SORCS3: variants seen among roughly 807,000 people sequenced by gnomAD.
SORCS3 encodes VPS10 domain-containing receptor SorCS3.
In SORCS3, 57 loss-of-function variants were observed where a neutral mutation model predicts 146.3. That is an observed-to-expected ratio of 0.39 (90% CI 0.31 to 0.49). The LOEUF (loss-of-function observed/expected upper bound fraction) is 0.49, where lower values mean the gene tolerates loss of function less well. Among genes scored for constraint, SORCS3 ranks in the 20% least tolerant of loss-of-function variants. The probability of loss-of-function intolerance (pLI) is 0.92; values close to 1 mark genes in which losing one functional copy is unlikely to be tolerated. For missense variants in SORCS3, 1,341 were observed against 1,575.5 expected (o/e 0.85, Z 2.52); for synonymous variants, 653 against 618.5 (o/e 1.06, Z -0.83).
At chr10:104,915,979 G>A in intron 3 of SORCS3, 47 bp downstream of exon 3, 2 of 1,432,448 alleles carry the variant, frequency 1.4e-6, no homozygotes, top group East Asian at 2.3e-5. Flanking sequence ...CTGGGTAGCT[G>A]TGCTGATTAG....
chr10:105,253,053 G>T lies in SORCS3; in HGVS notation c.3237+147G>T, dbSNP rs2056910617. On this transcript the variant is annotated intron_variant, in intron 23 of 26. Transcript: ENST00000369701. ...TGAAGAGCAATCACCCTTACCCAGA[G>T]TAAATACAGGTGCAAATAGACTGGA... 9.8e-6 allele frequency: 8 copies of T among 817,672 alleles called. No homozygotes were observed. In the South Asian group the frequency reaches 1.6e-4, roughly 17 times the overall value. The allele number at this position is 817,672 out of a possible 1,614,324, so 50.7% of individuals were successfully genotyped here.
intron 7 of SORCS3, among the ~76,000 whole-genome samples, chr10:105,127,971 A>C (rs2055988306): frequency 6.6e-6 from 1 of 152,208 alleles, no homozygotes; most frequent in South Asian, 2.1e-4. Context: ...CTTTAGGCTC[A>C]TTCAGGGCTG....
intron 14 of SORCS3, among the ~76,000 whole-genome samples, chr10:105,199,228 C>CT (rs796118136): frequency 6.0e-4 from 87 of 144,296 alleles, no homozygotes; most frequent in East Asian, 1.2e-3. Context: ...GATGATCAGT[C>CT]TTTTTTTTTT....
chr10:104,647,749 C>T (rs1189539932), intron 1 of SORCS3, among the ~76,000 whole-genome samples: 1 of 152,198 alleles, frequency 6.6e-6, no homozygotes, highest in African/African-American at 2.4e-5. Context: ...CTCTTAATAA[C>T]ACTGAGTTTA....
chr10:105,014,336 A>G (rs2055153174), intron 4 of SORCS3, among the ~76,000 whole-genome samples: 2 of 151,852 alleles, frequency 1.3e-5, no homozygotes, highest in Non-Finnish European at 2.9e-5. Context: ...AAAATTTTGG[A>G]AACTATCTTT....
intron 1 of SORCS3, among the ~76,000 whole-genome samples, chr10:104,815,465 A>AG (rs2017786545): frequency 6.6e-6 from 1 of 151,468 alleles, no homozygotes; most frequent in Non-Finnish European, 1.5e-5. Context: ...AAAAAAAAAA[A>AG]AAAAAAGTCA....
intron 3 of SORCS3, among the ~76,000 whole-genome samples, chr10:104,970,752 C>A (rs2054856178): frequency 6.6e-6 from 1 of 152,062 alleles, no homozygotes; most frequent in Non-Finnish European, 1.5e-5. Flanking sequence ...GTCTTAGAAG[C>A]TGTAAAGGAA....
At position 104,733,556 on chromosome 10, in the gene SORCS3, C is replaced by T. The variant is rs900899573; in HGVS notation, c.627+91602C>T. Among the ~76,000 whole-genome samples, 6 of 149,684 alleles carry T rather than the reference C, an allele frequency of 4.0e-5. No individual in the cohort carries two copies. The South Asian group carries it at 6.4e-4, about 16-fold the overall frequency. ...TTTTTTTTTTGTAGAAATAAGGTCCCGCTATGTTGACCAAACGCTTTGAGC... is the reference window on the plus strand; with the variant it reads ...TTTTTTTTTTGTAGAAATAAGGTCCTGCTATGTTGACCAAACGCTTTGAGC... On this transcript the variant is annotated intron_variant, in intron 1 of 26. Transcript: ENST00000369701.
chr10:104,834,720 G>C (rs139406310), intron 1 of SORCS3, among the ~76,000 whole-genome samples: 1,915 of 148,716 alleles, frequency 0.013, 29 homozygotes, highest in African/African-American at 0.036. Context: ...TCCTCTGCTA[G>C]GATATTATCT....
At chr10:105,115,129 G>T (rs2055884492) in intron 7 of SORCS3, among the ~76,000 whole-genome samples, 1 of 152,116 alleles carries the variant, frequency 6.6e-6, no homozygotes, top group South Asian at 2.1e-4. Flanking sequence ...GGAGAAAACA[G>T]CCCTGACTTT....
At chr10:105,217,911 C>A in intron 19 of SORCS3, 1 of 453,996 alleles carries the variant, frequency 2.2e-6, no homozygotes, top group South Asian at 1.6e-5. Context: ...CAGTGATATT[C>A]GTGGGTCTAA....
At chr10:105,232,283 A>G (rs1401928981) in intron 20 of SORCS3, among the ~76,000 whole-genome samples, 1 of 152,062 alleles carries the variant, frequency 6.6e-6, no homozygotes. Flanking sequence ...TGTGTCTTTC[A>G]AGAAATTGAT....
intron 5 of SORCS3, among the ~76,000 whole-genome samples, chr10:105,075,948 A>G (rs991826355): frequency 1.3e-5 from 2 of 152,202 alleles, no homozygotes; most frequent in African/African-American, 4.8e-5. Flanking sequence ...TGCTCTTTCC[A>G]TTACGTTCCA....
chr10:104,734,734 A>T (rs1472404619), intron 1 of SORCS3, among the ~76,000 whole-genome samples: 1 of 152,178 alleles, frequency 6.6e-6, no homozygotes, highest in Non-Finnish European at 1.5e-5. Flanking sequence ...AACGGGAGAG[A>T]CCATGTTTTG....
In SORCS3 at chr10:105,157,152, A is replaced by C. The variant is rs766136452; in HGVS notation, c.1497A>C (p.Lys499Asn). The C allele has an allele frequency of 8.7e-6, 14 of 1,613,934 alleles. No individual in the cohort carries two copies. In the South Asian group the frequency reaches 1.4e-4, roughly 16 times the overall value. ...TTTTTTCCTAGGTAGCAGGTATCAAAGGGATATTTCTGGCAAACAAGAAGG... is the reference window on the plus strand; with the variant it reads ...TTTTTTCCTAGGTAGCAGGTATCAACGGGATATTTCTGGCAAACAAGAAGG... ...IIELYEVAGI[K>N]GIFLANKKVD... Residue 499 changes from lysine to asparagine, a missense_variant, in exon 10 of 27, where the codon AAA becomes AAC. By Grantham distance (94) the Lys-to-Asn change is moderately conservative. Transcript: ENST00000369701.
intron 1 of SORCS3, among the ~76,000 whole-genome samples, chr10:104,711,871 A>AGGAAGGGAAG (rs376827118): frequency 3.3e-5 from 5 of 152,154 alleles, no homozygotes; most frequent in African/African-American, 1.2e-4. Context: ...TGGAGGACAT[A>AGGAAGGGAAG]GGAAGGGAAG....
intron 7 of SORCS3, among the ~76,000 whole-genome samples, chr10:105,138,662 A>C (rs1422773973): frequency 6.6e-6 from 1 of 152,228 alleles, no homozygotes; most frequent in African/African-American, 2.4e-5. Context: ...CCCTGGCCAG[A>C]GGACCATTTC....
At chr10:104,878,173 T>C (rs2018595750) in intron 2 of SORCS3, among the ~76,000 whole-genome samples, 1 of 152,180 alleles carries the variant, frequency 6.6e-6, no homozygotes, top group South Asian at 2.1e-4. Context: ...CAATATCTGT[T>C]GAACCCATAC....
chr10:105,126,610 T>C (rs1448376539), intron 7 of SORCS3, among the ~76,000 whole-genome samples: 2 of 152,132 alleles, frequency 1.3e-5, no homozygotes, highest in Non-Finnish European at 2.9e-5. Context: ...AATGTCACAT[T>C]GTGGAGGGTG....
Sources: allele counts gnomAD v4.1 joint callset (sites outside exome capture counted in the v4.1 genomes callset), GRCh38; gene constraint gnomAD v4.1.1; transcripts MANE v1.5; gene names NCBI Gene and HGNC (gene_info 2026-07-23, HGNC 2026-07-21).